Variants in GRM8 observed in about 807,000 individuals in gnomAD.
The protein encoded by GRM8 is glutamate metabotropic receptor 8, also known as metabotropic glutamate receptor 8.
A neutral mutation model predicts 87.2 loss-of-function variants in GRM8; 47 were observed. The ratio of observed to expected loss-of-function variants is 0.54; its 90% confidence interval spans 0.43 to 0.69. The LOEUF is 0.69. Ranked by LOEUF, GRM8 falls within the 30% of genes least tolerant of loss-of-function variation. The pLI is 0.00. For synonymous variants in GRM8, 396 were observed against 404.5 expected (o/e 0.98, Z 0.25); for missense variants, 1,019 against 1,139.2 (o/e 0.89, Z 1.52).
At chr7:127,232,788 T>C (rs1797765979) in intron 2 of GRM8, among the ~76,000 whole-genome samples, 1 of 152,176 alleles carries the variant, frequency 6.6e-6, no homozygotes, top group African/African-American at 2.4e-5. Flanking sequence ...ATATCTTACT[T>C]GTCTTCATTA....
intron 2 of GRM8, among the ~76,000 whole-genome samples, chr7:127,218,012 C>T (rs776135550): frequency 5.9e-5 from 9 of 152,214 alleles, no homozygotes; most frequent in Non-Finnish European, 1.3e-4. Flanking sequence ...CCATCCAACC[C>T]CCCAGAGCCA....
intron 9 of GRM8, among the ~76,000 whole-genome samples, chr7:126,494,454 A>T (rs1362447004): frequency 6.6e-6 from 1 of 152,014 alleles, no homozygotes; most frequent in Non-Finnish European, 1.5e-5. Context: ...TGATAAAGAC[A>T]TCCAAAAATT....
intron 6 of GRM8, among the ~76,000 whole-genome samples, chr7:126,800,151 A>T (rs1308808212): frequency 1.3e-5 from 2 of 152,120 alleles, no homozygotes; most frequent in Non-Finnish European, 2.9e-5. Context: ...AATAATGATG[A>T]ATGCTGATGA....
intron 2 of GRM8, among the ~76,000 whole-genome samples, chr7:127,111,791 C>T (rs111265347): frequency 0.013 from 1,981 of 152,250 alleles, 35 homozygotes; most frequent in African/African-American, 0.045. Context: ...GTTTGGGAGG[C>T]TGAGGTGGGC....
At chr7:127,170,679 T>C (rs1266047414) in intron 2 of GRM8, among the ~76,000 whole-genome samples, 1 of 152,136 alleles carries the variant, frequency 6.6e-6, no homozygotes, top group Non-Finnish European at 1.5e-5. Flanking sequence ...AAGAAAATAA[T>C]GGCATTTGGA....
intron 3 of GRM8, among the ~76,000 whole-genome samples, chr7:127,100,313 G>A (rs935703435): frequency 6.6e-6 from 1 of 152,106 alleles, no homozygotes; most frequent in Non-Finnish European, 1.5e-5. Context: ...ATGAAACACT[G>A]CTCATCATCC....
At chr7:127,245,250 A>G (rs1182437182) in intron 1 of GRM8, among the ~76,000 whole-genome samples, 1 of 152,258 alleles carries the variant, frequency 6.6e-6, no homozygotes, top group African/African-American at 2.4e-5. Flanking sequence ...ACATGATAGT[A>G]AAACCTCATT....
At chr7:127,155,598 T>C (rs554011765) in intron 2 of GRM8, among the ~76,000 whole-genome samples, 3 of 152,222 alleles carry the variant, frequency 2.0e-5, no homozygotes, top group African/African-American at 7.2e-5. Context: ...ATTGGAACCA[T>C]ATTGAACCAT....
At chr7:126,546,296 G>C (rs1290494619) in intron 8 of GRM8, among the ~76,000 whole-genome samples, 3 of 152,144 alleles carry the variant, frequency 2.0e-5, no homozygotes, top group Non-Finnish European at 4.4e-5. Context: ...GCTATTAAAT[G>C]ATGTCCAATA....
rs1009339143 is a variant in GRM8 at position 126,590,976 on chromosome 7, T to A, written c.1494+18386A>T. The stretch of plus-strand genomic sequence containing the variant: ...ACAACAACACCATAAATTTTTTTTT[T>A]AAAAAAAGGTATTTAGGCAACAAAT... On this transcript the variant is annotated intron_variant, in intron 8 of 10. Transcript: ENST00000339582. Among the ~76,000 whole-genome samples the A allele has an allele frequency of 9.1e-4, 138 of 151,604 alleles. 1 individual carries two copies. The highest frequency in any genetic ancestry group is 2.4e-3 in the Admixed American group (36 of 15,190).
intron 9 of GRM8, among the ~76,000 whole-genome samples, chr7:126,461,206 C>T (rs1164453040): frequency 6.6e-6 from 1 of 151,478 alleles, no homozygotes; most frequent in Non-Finnish European, 1.5e-5. Flanking sequence ...CAGCAGATTA[C>T]TCCTCTAATC....
intron 2 of GRM8, among the ~76,000 whole-genome samples, chr7:127,168,200 T>C (rs1793570588): frequency 6.6e-6 from 1 of 152,156 alleles, no homozygotes; most frequent in Non-Finnish European, 1.5e-5. Context: ...GCAAAGGATA[T>C]GAACAGACAC....
At chr7:127,228,747 T>C (rs1797500316) in intron 2 of GRM8, 1 of 152,248 alleles carries the variant, frequency 6.6e-6, no homozygotes, top group Non-Finnish European at 1.5e-5. Flanking sequence ...TTATCCATTT[T>C]ATTTGAAAAC....
chr7:127,246,328 T>A (rs971790229), intron 1 of GRM8, among the ~76,000 whole-genome samples: 2 of 152,224 alleles, frequency 1.3e-5, no homozygotes, highest in African/African-American at 4.8e-5. Context: ...GAGCTATAGA[T>A]CCAAATACCT....
At chr7:126,956,699 A>G (rs1808722968) in intron 3 of GRM8, among the ~76,000 whole-genome samples, 1 of 152,212 alleles carries the variant, frequency 6.6e-6, no homozygotes. Context: ...ATTTTCTAAT[A>G]CTTTCATTAT....
chr7:126,797,252 C>T (rs1458343191), intron 6 of GRM8, among the ~76,000 whole-genome samples: 1 of 151,994 alleles, frequency 6.6e-6, no homozygotes, highest in East Asian at 1.9e-4. Context: ...AGTTACCACG[C>T]TAAACCTCTT....
rs143180604 is a variant in GRM8, at chr7:126,714,278, AAATAATAATAATAAT to A, written c.1357+55572_1357+55586del. Among the ~76,000 whole-genome samples, 121 of 137,046 alleles carry A rather than the reference AAATAATAATAATAAT, an allele frequency of 8.8e-4. 1 individual carries two copies. Among genetic ancestry groups the A allele is most frequent in the Middle Eastern group, 3.6e-3 (1 of 274 alleles). The allele number at this position is 137,046 out of a possible 152,430, so 89.9% of individuals were successfully genotyped here. ...GGGTGACAGAGCAAGACTCCATCTC[AAATAATAATAATAAT>A]AATAATAATAATAATAATAATAATA... is the stretch of plus-strand genomic sequence containing the variant. On this transcript the variant is annotated intron_variant, in intron 7 of 10. Coordinates refer to ENST00000339582, the MANE Select transcript of GRM8 (RefSeq NM_000845.3).
At chr7:126,598,742 C>T (rs920119686) in intron 8 of GRM8, among the ~76,000 whole-genome samples, 1 of 152,084 alleles carries the variant, frequency 6.6e-6, no homozygotes, top group African/African-American at 2.4e-5. Flanking sequence ...CTGCACTTTG[C>T]TGCCAAAGAC....
intron 2 of GRM8, among the ~76,000 whole-genome samples, chr7:127,232,976 T>TA (rs1357453563): frequency 6.6e-6 from 1 of 152,126 alleles, no homozygotes; most frequent in Non-Finnish European, 1.5e-5. Context: ...TAGCTGGGAT[T>TA]ACAAGCACAT....
Sources: allele counts gnomAD v4.1 joint callset (sites outside exome capture counted in the v4.1 genomes callset), GRCh38; gene constraint gnomAD v4.1.1; transcripts MANE v1.5; gene names NCBI Gene and HGNC (gene_info 2026-07-23, HGNC 2026-07-21).